SLC24A3: variants seen among roughly 807,000 people sequenced by gnomAD.
The protein encoded by SLC24A3 is sodium/potassium/calcium exchanger 3.
In SLC24A3, 28 loss-of-function variants were observed where a neutral mutation model predicts 75.8. The ratio of observed to expected loss-of-function variants is 0.37; its 90% CI spans 0.27 to 0.51. The LOEUF (loss-of-function observed/expected upper bound fraction) is 0.51, where lower values mean the gene tolerates loss of function less well. Ranked by LOEUF, SLC24A3 falls within the 20% of genes least tolerant of loss-of-function variation. The probability of loss-of-function intolerance (pLI) is 0.94; values close to 1 mark genes in which losing one functional copy is unlikely to be tolerated. For synonymous variants in SLC24A3, 372 were observed against 334.1 expected (o/e 1.11, Z -1.24); for missense variants, 663 against 847.8 (o/e 0.78, Z 2.71).
intron 2 of SLC24A3, among the ~76,000 whole-genome samples, chr20:19,439,682 T>C (rs895966509): frequency 1.4e-4 from 22 of 152,234 alleles, no homozygotes; most frequent in Admixed American, 3.9e-4. Flanking sequence ...TTTACATTTA[T>C]CCATCAATTA....
At chr20:19,503,609 A>G (rs923768701) in intron 2 of SLC24A3, among the ~76,000 whole-genome samples, 3 of 152,246 alleles carry the variant, frequency 2.0e-5, no homozygotes, top group Non-Finnish European at 4.4e-5. Context: ...CCTGCAGTCA[A>G]CATCTGCATT....
rs376418433 is a variant in SLC24A3 at position 19,349,602 on chromosome 20, A to G, written c.271+68515A>G. ...TGTAAATATCCCAGTTCCCTTGCCT[A>G]TTCGATGGGATGGCTCTGAGGTGCA... On this transcript the variant is annotated intron_variant, in intron 2 of 16. Transcript: ENST00000328041. 4.0e-4 allele frequency among the ~76,000 whole-genome samples: 61 copies of G among 152,224 alleles called. No individual in the cohort carries two copies. In the South Asian group the frequency reaches 0.012, roughly 29 times the overall value.
chr20:19,409,412 G>C (rs1986705663), intron 2 of SLC24A3, among the ~76,000 whole-genome samples: 1 of 152,176 alleles, frequency 6.6e-6, no homozygotes, highest in South Asian at 2.1e-4. Flanking sequence ...AGGGTGTGCA[G>C]CTTTTGGAGA....
chr20:19,322,030 G>C (rs1984719360), intron 2 of SLC24A3, among the ~76,000 whole-genome samples: 1 of 152,128 alleles, frequency 6.6e-6, no homozygotes, highest in South Asian at 2.1e-4. Flanking sequence ...TTTGACATCA[G>C]GGGTGCGGTG....
intron 2 of SLC24A3, among the ~76,000 whole-genome samples, chr20:19,512,759 A>T (rs1015748068): frequency 2.0e-5 from 3 of 151,772 alleles, no homozygotes; most frequent in African/African-American, 4.8e-5. Flanking sequence ...GGTGACTTTC[A>T]CTCCTTTCCT....
chr20:19,350,346 G>A (rs1985539199), intron 2 of SLC24A3, among the ~76,000 whole-genome samples: 1 of 152,088 alleles, frequency 6.6e-6, no homozygotes, highest in Non-Finnish European at 1.5e-5. Flanking sequence ...TCTTAATTCT[G>A]ACTCTCCTAT....
chr20:19,684,536 A>T (rs370043706), intron 11 of SLC24A3, among the ~76,000 whole-genome samples, 200 bp downstream of exon 11: 2 of 152,160 alleles, frequency 1.3e-5, no homozygotes, highest in South Asian at 2.1e-4. Context: ...TGAGACATGG[A>T]CTAATTTCCA....
chr20:19,652,063 A>G (rs1342048961), intron 6 of SLC24A3, among the ~76,000 whole-genome samples: 1 of 152,186 alleles, frequency 6.6e-6, no homozygotes, highest in African/African-American at 2.4e-5. Flanking sequence ...AAATTCTTAA[A>G]CAGTCTTTTG....
intron 6 of SLC24A3, among the ~76,000 whole-genome samples, chr20:19,613,170 C>G (rs942945506): frequency 6.6e-6 from 1 of 152,212 alleles, no homozygotes; most frequent in African/African-American, 2.4e-5. Context: ...AGTTTTAATT[C>G]TCCATCCTAT....
In SLC24A3 at chr20:19,422,022, G is replaced by A. The variant is rs1285210175; in HGVS notation, c.272-93466G>A. ...CCTCAGCCTCAGAGTTGTCCCATCCGGGACAAAGAAGTGGGAGTCTCTTTC... is the reference window on the plus strand; with the variant it reads ...CCTCAGCCTCAGAGTTGTCCCATCCAGGACAAAGAAGTGGGAGTCTCTTTC... On this transcript the variant is annotated intron_variant, in intron 2 of 16. Coordinates refer to ENST00000328041, the MANE Select transcript of SLC24A3 (RefSeq NM_020689.4). 3.9e-5 allele frequency among the ~76,000 whole-genome samples: 6 copies of A among 152,112 alleles called. No individual in the cohort carries two copies. The South Asian group carries it at 6.2e-4, about 16-fold the overall frequency.
chr20:19,457,835 C>T (rs773946878), intron 2 of SLC24A3, among the ~76,000 whole-genome samples: 4 of 152,176 alleles, frequency 2.6e-5, no homozygotes, highest in Non-Finnish European at 4.4e-5. Context: ...AAGAACTACA[C>T]GTGGCTTCTG....
intron 8 of SLC24A3, among the ~76,000 whole-genome samples, chr20:19,672,802 C>T (rs1408519499): frequency 6.6e-6 from 1 of 152,168 alleles, no homozygotes; most frequent in Non-Finnish European, 1.5e-5. Flanking sequence ...AAATATTTCT[C>T]TAGGATCAGC....
Position 19,212,737 on chromosome 20 carries a change from C to A in SLC24A3, c.-106C>A. ...CGGCCGGGTGGGAGCGCAGCGAGGA[C>A]GCGCGGCTGCTGCGCGCAGGGCTGC... On this transcript the variant is annotated 5_prime_UTR_variant, in exon 1 of 17. Coordinates refer to ENST00000328041, the MANE Select transcript of SLC24A3 (RefSeq NM_020689.4). The A allele has an allele frequency of 2.2e-6, 2 of 894,558 alleles. No individual in the cohort carries two copies. Among genetic ancestry groups the A allele is most frequent in the Non-Finnish European group, 2.7e-6 (2 of 749,466 alleles). The allele number at this position is 894,558 out of a possible 1,614,324, so 55.4% of individuals were successfully genotyped here.
intron 2 of SLC24A3, among the ~76,000 whole-genome samples, chr20:19,396,832 A>AT (rs763597058): frequency 1.3e-5 from 2 of 152,224 alleles, no homozygotes; most frequent in African/African-American, 2.4e-5. Context: ...AGAAAAAAAA[A>AT]TGTGTCAAAG....
chr20:19,626,866 T>C (rs2031872573), intron 6 of SLC24A3, among the ~76,000 whole-genome samples: 1 of 152,190 alleles, frequency 6.6e-6, no homozygotes, highest in East Asian at 1.9e-4. Flanking sequence ...CCTCATCCCT[T>C]GCAAAATGAA....
chr20:19,519,777 A>G (rs963790671), intron 3 of SLC24A3, among the ~76,000 whole-genome samples: 4 of 152,228 alleles, frequency 2.6e-5, no homozygotes, highest in African/African-American at 9.6e-5. Context: ...GTGATTTATC[A>G]AGATCTTGTG....
At chr20:19,542,889 C>T (rs547545361) in intron 3 of SLC24A3, among the ~76,000 whole-genome samples, 1 of 152,280 alleles carries the variant, frequency 6.6e-6, no homozygotes, top group South Asian at 2.1e-4. Context: ...TGACCTAATT[C>T]TCCTTAACAG....
At chr20:19,421,775 C>T (rs922869317) in intron 2 of SLC24A3, among the ~76,000 whole-genome samples, 11 of 152,294 alleles carry the variant, frequency 7.2e-5, no homozygotes, top group East Asian at 3.9e-4. Flanking sequence ...ATGGGCTTCG[C>T]GCCTCACAGC....
At chr20:19,397,632 CTT>C (rs73617286) in intron 2 of SLC24A3, among the ~76,000 whole-genome samples, 7 of 130,820 alleles carry the variant, frequency 5.4e-5, no homozygotes, top group South Asian at 2.5e-4. Context: ...AAAGGTTGTG[CTT>C]TTTTTTTCTT....
Sources: allele counts gnomAD v4.1 joint callset (sites outside exome capture counted in the v4.1 genomes callset), GRCh38; gene constraint gnomAD v4.1.1; transcripts MANE v1.5; gene names NCBI Gene and HGNC (gene_info 2026-07-23, HGNC 2026-07-21).